The following CTNNA2 variants were observed in gnomAD, a reference collection of about 807,000 sequenced individuals.
CTNNA2 encodes catenin alpha-2.
In CTNNA2, 42 loss-of-function variants were observed where a neutral mutation model predicts 101.0. The observed-to-expected ratio is 0.42, with a 90% CI of 0.32 to 0.54. CTNNA2 has a LOEUF of 0.54. Among genes scored for constraint, CTNNA2 ranks in the 20% least tolerant of loss-of-function variants. The probability of loss-of-function intolerance (pLI) is 0.14; values close to 1 mark genes in which losing one functional copy is unlikely to be tolerated. For synonymous variants in CTNNA2, 450 were observed against 456.4 expected, an observed-to-expected ratio of 0.99 and a Z score of 0.18; for missense variants, 871 against 1,223.1, an observed-to-expected ratio of 0.71 and a Z score of 4.29.
intron 1 of CTNNA2, among the ~76,000 whole-genome samples, chr2:79,551,910 C>T (rs1451629606): frequency 1.3e-5 from 2 of 152,240 alleles, no homozygotes; most frequent in Admixed American, 1.3e-4. Context: ...GGCTCTTCCT[C>T]CAACATTGGT....
At chr2:79,324,601 G>A (rs748325254) in intron 3 of CTNNA2, among the ~76,000 whole-genome samples, 1 of 152,132 alleles carries the variant, frequency 6.6e-6, no homozygotes, top group Non-Finnish European at 1.5e-5. Context: ...AGCTGCCATT[G>A]TTTGCTATTA....
intron 1 of CTNNA2, among the ~76,000 whole-genome samples, chr2:79,600,582 C>T (rs1285900063): frequency 1.3e-5 from 2 of 152,114 alleles, no homozygotes; most frequent in African/African-American, 2.4e-5. Context: ...AATTATGTTC[C>T]ACCTCACTAT....
At chr2:80,228,420 C>T (rs1225447401) in intron 7 of CTNNA2, among the ~76,000 whole-genome samples, 1 of 152,120 alleles carries the variant, frequency 6.6e-6, no homozygotes, top group Non-Finnish European at 1.5e-5. Flanking sequence ...GAGGTCTCTG[C>T]CTTTATGACC....
chr2:80,507,873 C>G (rs1368899), intron 9 of CTNNA2, among the ~76,000 whole-genome samples: 106,923 of 152,094 alleles, frequency 0.7, 38,114 homozygotes, highest in African/African-American at 0.78. Context: ...TCAAGGTAGG[C>G]AGACTCAACT....
rs549938123 is a variant in CTNNA2, at chr2:80,533,586, T to C, written c.1291-11396T>C. On this transcript the variant is annotated intron_variant, in intron 9 of 18. Transcript: ENST00000402739. Reference sequence around the variant, plus strand: ...GAAACGTTCCTTGGCTTCCGTTAAATGTCAAGCACCGGATGGTTCAGTGCA... The same window carrying C: ...GAAACGTTCCTTGGCTTCCGTTAAACGTCAAGCACCGGATGGTTCAGTGCA... Among the ~76,000 whole-genome samples the C allele has an allele frequency of 2.6e-5, 4 of 152,306 alleles. No homozygotes were observed. In the South Asian group the frequency reaches 8.3e-4, roughly 32 times the overall value.
rs117724269 is a variant in CTNNA2, at chr2:80,267,106, T to C, written c.1057-126105T>C. On this transcript the variant is annotated intron_variant, in intron 7 of 18. Coordinates refer to ENST00000402739, the MANE Select transcript of CTNNA2 (RefSeq NM_001282597.3). ...TCCAGAGGGACACCGCCTCAAGACA[T>C]CCTTCCCTGAGGGCTATATTAGGCT... Among the ~76,000 whole-genome samples, 21 of 152,234 alleles carry C rather than the reference T, an allele frequency of 1.4e-4. No individual in the cohort carries two copies. The East Asian group carries it at 4.1e-3, about 30-fold the overall frequency.
intron 4 of CTNNA2, among the ~76,000 whole-genome samples, chr2:79,384,747 T>G (rs1678078778): frequency 6.6e-6 from 1 of 152,112 alleles, no homozygotes; most frequent in South Asian, 2.1e-4. Context: ...CTTTCTTCCT[T>G]ACTCCTCCTT....
intron 9 of CTNNA2, among the ~76,000 whole-genome samples, chr2:80,461,351 C>T (rs181362891): frequency 1.2e-4 from 18 of 152,156 alleles, no homozygotes; most frequent in East Asian, 5.8e-4. Context: ...GATGTTACCT[C>T]GTAGTAATTT....
intron 18 of CTNNA2, among the ~76,000 whole-genome samples, chr2:80,629,929 G>A (rs1672101089): frequency 6.6e-6 from 1 of 152,138 alleles, no homozygotes; most frequent in Admixed American, 6.5e-5. Flanking sequence ...AGCCTTTCAA[G>A]TCTTCCCTCT....
At chr2:79,349,341 T>C (rs1000780833) in intron 3 of CTNNA2, among the ~76,000 whole-genome samples, 5 of 152,242 alleles carry the variant, frequency 3.3e-5, no homozygotes, top group African/African-American at 1.2e-4. Context: ...TTCTAACTCA[T>C]GGGTTTCAGA....
intron 2 of CTNNA2, among the ~76,000 whole-genome samples, chr2:79,235,345 C>T (rs201708357): frequency 2.0e-5 from 3 of 152,092 alleles, no homozygotes; most frequent in East Asian, 3.9e-4. Context: ...TGGTGCATAA[C>T]GTTAGCTGGC....
At chr2:80,511,529 A>G (rs567283905) in intron 9 of CTNNA2, among the ~76,000 whole-genome samples, 1 of 152,182 alleles carries the variant, frequency 6.6e-6, no homozygotes, top group Admixed American at 6.5e-5. Context: ...GTGGGCCAAG[A>G]CTATTTTATT....
chr2:80,611,365 AAAAG>A (rs3841885), intron 17 of CTNNA2, among the ~76,000 whole-genome samples: 17,962 of 151,466 alleles, frequency 0.12, 1,057 homozygotes, highest in South Asian at 0.18. Flanking sequence ...AAGAAAAGAA[AAAAG>A]AAAGAGAAAG....
At chr2:80,607,454 G>A (rs781548346) in intron 16 of CTNNA2, among the ~76,000 whole-genome samples, 5 of 151,750 alleles carry the variant, frequency 3.3e-5, no homozygotes, top group African/African-American at 1.2e-4. Context: ...ATGGACACCC[G>A]CCTACTTCGG....
chr2:80,244,471 T>G (rs981603089), intron 7 of CTNNA2, among the ~76,000 whole-genome samples: 1 of 152,204 alleles, frequency 6.6e-6, no homozygotes, highest in African/African-American at 2.4e-5. Flanking sequence ...AGCGTTTTGT[T>G]CATGGAGCAG....
At chr2:79,742,554 G>T (rs536563638) in intron 2 of CTNNA2, among the ~76,000 whole-genome samples, 1 of 152,240 alleles carries the variant, frequency 6.6e-6, no homozygotes, top group Non-Finnish European at 1.5e-5. Context: ...GTTCTTGGAA[G>T]AGTAACATGT....
chr2:80,545,913 A>C lies in CTNNA2; in HGVS notation c.1390A>C (p.Asn464His). 6.2e-7 allele frequency: 1 copy of C among 1,613,804 alleles called. No homozygotes were observed. The highest frequency in any genetic ancestry group is 8.5e-7 in the Non-Finnish European group (1 of 1,179,850). Residue 464 changes from asparagine (N) to histidine (H), a missense_variant, in exon 11 of 19, where the codon AAT (asparagine) becomes CAT (histidine). Asn to His is a moderately conservative substitution (Grantham distance 68). Coordinates refer to ENST00000402739, the MANE Select transcript of CTNNA2 (RefSeq NM_001282597.3). Reference sequence around the variant, plus strand: ...GATTGTTTCCAACAAATAGGTCATCAATGCCGCTCTGACACTGGCTGCCCG... The same window carrying C: ...GATTGTTTCCAACAAATAGGTCATCCATGCCGCTCTGACACTGGCTGCCCG... The part of the protein sequence containing the change: ...QIDSLCPQVI[N>H]AALTLAARPQ...
chr2:79,268,349 C>T (rs1284557021), intron 2 of CTNNA2, among the ~76,000 whole-genome samples: 2 of 152,094 alleles, frequency 1.3e-5, no homozygotes, highest in African/African-American at 4.8e-5. Flanking sequence ...GATGGACAAC[C>T]TGGAGGATGG....
At chr2:80,586,370 C>T (rs1695971296) in intron 14 of CTNNA2, 1 of 152,134 alleles carries the variant, frequency 6.6e-6, no homozygotes, top group Non-Finnish European at 1.5e-5. Flanking sequence ...GGGGATTGAA[C>T]ATTGAGTCTG....
Sources: gnomAD v4.1 joint callset for allele counts (sites outside exome capture counted in the v4.1 genomes callset) on GRCh38, gnomAD v4.1.1 for gene constraint, MANE v1.5 for transcripts, NCBI Gene and HGNC (gene_info 2026-07-23, HGNC 2026-07-21) for gene names.